RAD51AP2: variants seen among roughly 807,000 people sequenced by gnomAD.
The protein encoded by RAD51AP2 is RAD51 associated protein 2, also known as RAD51-associated protein 2.
RAD51AP2 carries 67 observed loss-of-function variants against 85.5 expected under a neutral mutation model. That is an observed-to-expected ratio of 0.78 (90% CI 0.64 to 0.96). The LOEUF is 0.96. Among genes scored for constraint, RAD51AP2 ranks in the 40% least tolerant of loss-of-function variants. The pLI is 0.00. For synonymous variants in RAD51AP2, 474 were observed against 446.5 expected, an observed-to-expected ratio of 1.06 and a Z score of -0.78; for missense variants, 1,307 against 1,332.4, an observed-to-expected ratio of 0.98 and a Z score of 0.30.
In RAD51AP2 at chr2:17,515,669, TC is replaced by T; in HGVS notation, c.2746del (p.Asp916IlefsTer20). ...LPEREIANSK[D>X]FHRKNDSALY... ...TGCAGAGTCATTCTTTCTGTGAAAA[TC>T]CTTTGAATTAGCTATCTCCCTTTCT... On this transcript the variant is annotated frameshift_variant, in exon 1 of 3. Coordinates refer to ENST00000399080, the MANE Select transcript of RAD51AP2 (RefSeq NM_001099218.3). LOFTEE classifies it high-confidence loss of function. 21 of 1,612,254 alleles carry T rather than the reference TC, an allele frequency of 1.3e-5. No individual in the cohort carries two copies. The highest frequency in any genetic ancestry group is 1.8e-5 in the Non-Finnish European group (21 of 1,179,342).
At position 17,516,562 on chromosome 2, in the gene RAD51AP2, T is replaced by C. The variant is rs1318352596; in HGVS notation, c.1854A>G (p.Pro618=). ...IFKCMLYLKY[P]KNIVENHTAY... ...CAGTATGATTTTCCACTATATTTTT[T>C]GGATACTTCAAATAAAGCATGCACT... Residue 618 remains proline (P), a synonymous_variant, in exon 1 of 3, where the codon CCA becomes CCG. Coordinates refer to ENST00000399080, the MANE Select transcript of RAD51AP2 (RefSeq NM_001099218.3). 6.3e-7 allele frequency: 1 copy of C among 1,579,702 alleles called. No individual in the cohort carries two copies. Among genetic ancestry groups the C allele is most frequent in the East Asian group, 2.2e-5 (1 of 44,558 alleles).
chr2:17,529,792 C>T, the RAD51AP2 span, among the ~76,000 whole-genome samples: 1 of 152,200 alleles, frequency 6.6e-6, no homozygotes, highest in Non-Finnish European at 1.5e-5. Context: ...AGAAAATTCA[C>T]AGTTATACAA....
Position 17,516,376 on chromosome 2 carries a change from C to T in RAD51AP2, c.2040G>A (p.Pro680=), listed in dbSNP as rs754254509. 26 of 1,611,572 alleles carry T rather than the reference C, an allele frequency of 1.6e-5. No homozygotes were observed. The African/African-American group carries it at 1.7e-4, about 11-fold the overall frequency. The change falls in exon 1 of 3, where the codon CCG becomes CCA. Residue 680 remains proline (P), a synonymous_variant. Coordinates refer to ENST00000399080, the MANE Select transcript of RAD51AP2 (RefSeq NM_001099218.3). ...FSMTTQNTGF[P]IFETYEKIPL... ...GAATTTTTTCATATGTTTCAAAAAT[C>T]GGAAAACCTGTATTTTGAGTTGTCA... is the stretch of plus-strand genomic sequence containing the variant.
chr2:17,531,710 A>C, the RAD51AP2 span, among the ~76,000 whole-genome samples: 2 of 152,232 alleles, frequency 1.3e-5, no homozygotes. Flanking sequence ...CATGAGCAAC[A>C]ATAATGAAAG....
the RAD51AP2 span, among the ~76,000 whole-genome samples, chr2:17,529,306 T>TA: frequency 2.6e-5 from 4 of 151,858 alleles, no homozygotes; most frequent in African/African-American, 9.7e-5. Flanking sequence ...TTAGAATTAC[T>TA]AAAAAACAAC....
upstream of RAD51AP2, among the ~76,000 whole-genome samples, chr2:17,518,656 G>A (rs1183209526): frequency 6.8e-6 from 1 of 146,412 alleles, no homozygotes; most frequent in African/African-American, 2.5e-5. Flanking sequence ...CACCACTGAA[G>A]GTCGGAGCAC....
upstream of RAD51AP2, among the ~76,000 whole-genome samples, chr2:17,519,969 C>T (rs1662821606): frequency 6.6e-6 from 1 of 152,164 alleles, no homozygotes; most frequent in African/African-American, 2.4e-5. Flanking sequence ...GATTTCTAGT[C>T]TAGATTGATC....
At chr2:17,513,980 G>A (rs755175135) in intron 2 of RAD51AP2, 32 bp downstream of exon 2, 1 of 1,103,444 alleles carries the variant, frequency 9.1e-7, no homozygotes, top group Admixed American at 1.8e-5. Context: ...AATCATCTTA[G>A]AAGTTATCCT....
the RAD51AP2 span, among the ~76,000 whole-genome samples, chr2:17,533,899 T>C: frequency 6.6e-6 from 1 of 152,220 alleles, no homozygotes; most frequent in Non-Finnish European, 1.5e-5. Context: ...ATCTGGATGA[T>C]GTTTTACTGA....
chr2:17,529,684 A>T, the RAD51AP2 span, among the ~76,000 whole-genome samples: 1 of 152,240 alleles, frequency 6.6e-6, no homozygotes, highest in African/African-American at 2.4e-5. Context: ...TTCCATTCAT[A>T]TTAAGACTAC....
chr2:17,516,144 T>C lies in RAD51AP2; in HGVS notation c.2272A>G (p.Met758Val), dbSNP rs1445730401. The change falls in exon 1 of 3, where the codon ATG becomes GTG. Residue 758 changes from methionine to valine, a missense_variant. Physicochemically the swap from Met to Val is conservative, Grantham distance 21. Coordinates refer to ENST00000399080, the MANE Select transcript of RAD51AP2 (RefSeq NM_001099218.3). ...YINENFYEVN[M>V]HSQDLNMERK... ...TCCATATTTAAATCTTGGCTGTGCA[T>C]ATTTACTTCATAAAAATTTTCATTA... The C allele has an allele frequency of 6.2e-7, 1 of 1,613,086 alleles. No homozygotes were observed. Among genetic ancestry groups the C allele is most frequent in the Admixed American group, 1.7e-5 (1 of 59,926 alleles).
chr2:17,518,616 C>T (rs1226015958), upstream of RAD51AP2, among the ~76,000 whole-genome samples: 1 of 150,744 alleles, frequency 6.6e-6, no homozygotes, highest in Non-Finnish European at 1.5e-5. Flanking sequence ...CCCTCCTCTC[C>T]CTGCCCCCAC....
the RAD51AP2 span, among the ~76,000 whole-genome samples, chr2:17,535,207 A>T: frequency 6.6e-6 from 1 of 152,204 alleles, no homozygotes; most frequent in Non-Finnish European, 1.5e-5. Context: ...AAGACAAGGG[A>T]AGGATGAGTT....
intron 2 of RAD51AP2, among the ~76,000 whole-genome samples, chr2:17,512,842 T>C (rs938225612): frequency 6.6e-6 from 1 of 152,212 alleles, no homozygotes; most frequent in African/African-American, 2.4e-5. Context: ...GATCTTCCAA[T>C]GTTTTGATTA....
At chr2:17,527,981 A>G in the RAD51AP2 span, among the ~76,000 whole-genome samples, 2 of 152,228 alleles carry the variant, frequency 1.3e-5, no homozygotes, top group Admixed American at 1.3e-4. Flanking sequence ...ATATTGTTCT[A>G]ACTATATATC....
At chr2:17,511,562 T>C (rs1662495681) in intron 2 of RAD51AP2, among the ~76,000 whole-genome samples, 1 of 151,910 alleles carries the variant, frequency 6.6e-6, no homozygotes, top group African/African-American at 2.4e-5. Context: ...ATCTCTAACT[T>C]TCAGGGTTTT....
chr2:17,518,539 G>T, upstream of RAD51AP2: 2 of 1,294,484 alleles, frequency 1.5e-6, no homozygotes, highest in East Asian at 2.4e-5. Context: ...CCTAATCTCA[G>T]GGTTTGCCCC....
chr2:17,537,777 T>C, the RAD51AP2 span, among the ~76,000 whole-genome samples: 1 of 152,188 alleles, frequency 6.6e-6, no homozygotes, highest in East Asian at 1.9e-4. Flanking sequence ...TGGTATTGTT[T>C]GTTTGTTTGA....
chr2:17,517,158 A>C lies in RAD51AP2; in HGVS notation c.1258T>G (p.Cys420Gly), dbSNP rs1323895021. ...TCTTCAGTTTTTTTCATATTTTCAC[A>C]TTTAGTCTTGCAATTATTTATAATC... is the stretch of plus-strand genomic sequence containing the variant. ...CWIINNCKTKCENMKKTEEKW... is the reference protein window; with the variant it reads ...CWIINNCKTKGENMKKTEEKW... The change falls in exon 1 of 3, where the codon TGT becomes GGT. Residue 420 changes from cysteine (C) to glycine (G), a missense_variant. This residue lies in a region of RAD51AP2 where 635 missense variants were observed against 643.6 expected (regional missense o/e 0.99). Transcript: ENST00000399080. The C allele has an allele frequency of 6.2e-7, 1 of 1,608,992 alleles. No homozygotes were observed. Among genetic ancestry groups the C allele is most frequent in the South Asian group, 1.1e-5 (1 of 89,680 alleles).
Sources: gnomAD v4.1 joint callset for allele counts (sites outside exome capture counted in the v4.1 genomes callset) on GRCh38, gnomAD v4.1.1 for gene constraint, gnomAD v4.1.1 regional missense constraint, MANE v1.5 for transcripts, NCBI Gene and HGNC (gene_info 2026-07-23, HGNC 2026-07-21) for gene names.